GALNTL6: variants seen among roughly 807,000 people sequenced by gnomAD.
GALNTL6 encodes the protein polypeptide N-acetylgalactosaminyltransferase-like 6.
Under a neutral mutation model 73.7 loss-of-function variants are expected in GALNTL6, and 46 were observed. That is an observed-to-expected ratio of 0.62 (90% confidence interval 0.49 to 0.80). The LOEUF is 0.80. Ranked by LOEUF, GALNTL6 falls within the 30% of genes least tolerant of loss-of-function variation. The probability of loss-of-function intolerance (pLI) is 0.00; values close to 1 mark genes in which losing one functional copy is unlikely to be tolerated. For missense variants in GALNTL6, 604 were observed against 755.0 expected (o/e 0.80, Z 2.34); for synonymous variants, 259 against 263.7 (o/e 0.98, Z 0.17).
chr4:172,931,385 T>C, intron 9 of GALNTL6, 117 bp downstream of exon 9: 1 of 697,096 alleles, frequency 1.4e-6, no homozygotes, highest in Non-Finnish European at 2.6e-6. Flanking sequence ...AGAGCTCCTG[T>C]GCTTCTCAGA....
intron 2 of GALNTL6, among the ~76,000 whole-genome samples, chr4:172,165,940 A>T (rs932197343): frequency 6.6e-6 from 1 of 152,212 alleles, no homozygotes; most frequent in Non-Finnish European, 1.5e-5. Context: ...GAGAAAAAAA[A>T]TAGCATGTAT....
intron 11 of GALNTL6, among the ~76,000 whole-genome samples, chr4:173,012,846 C>T (rs1012129053): frequency 8.5e-5 from 13 of 152,286 alleles, no homozygotes; most frequent in Admixed American, 3.3e-4. Flanking sequence ...CACTCAAATG[C>T]GCCCTGCATG....
At chr4:172,551,489 CT>C (rs1350157421) in intron 5 of GALNTL6, among the ~76,000 whole-genome samples, 2 of 152,012 alleles carry the variant, frequency 1.3e-5, no homozygotes, top group African/African-American at 4.8e-5. Flanking sequence ...TAAAATTCAT[CT>C]TTCTGTCCAT....
chr4:172,063,593 A>C (rs1560906795), intron 2 of GALNTL6, among the ~76,000 whole-genome samples: 2 of 152,122 alleles, frequency 1.3e-5, no homozygotes. Context: ...TTTTTATTAA[A>C]GACAATTGTT....
rs146498735 is a variant in GALNTL6 at position 171,829,428 on chromosome 4, G to A, written c.138+14710G>A. 1.6e-3 allele frequency among the ~76,000 whole-genome samples: 243 copies of A among 152,148 alleles called. 1 individual carries two copies. Among genetic ancestry groups the A allele is most frequent in the African/African-American group, 5.5e-3 (227 of 41,520 alleles). On this transcript the variant is annotated intron_variant, in intron 2 of 12. Coordinates refer to ENST00000506823, the MANE Select transcript of GALNTL6 (RefSeq NM_001034845.3). ...CTTCAGATAAAAGCTTGTTTTCTTT[G>A]ATACAGCTTACCCCGAGTCTTCTTG...
At chr4:172,181,717 CTTTT>C (rs751155404) in intron 2 of GALNTL6, among the ~76,000 whole-genome samples, 5 of 135,138 alleles carry the variant, frequency 3.7e-5, no homozygotes, top group Admixed American at 7.5e-5. Context: ...CCCAAATCTT[CTTTT>C]TTTTTTTTTT....
At chr4:172,599,400 C>T (rs6831785) in intron 5 of GALNTL6, among the ~76,000 whole-genome samples, 83,325 of 151,780 alleles carry the variant, frequency 0.55, 23,241 homozygotes, top group East Asian at 0.77. Context: ...AAGAAAAAAA[C>T]GACTTGATTG....
At chr4:172,256,305 C>G (rs1288994637) in intron 3 of GALNTL6, among the ~76,000 whole-genome samples, 3 of 151,452 alleles carry the variant, frequency 2.0e-5, no homozygotes, top group Non-Finnish European at 4.4e-5. Context: ...ACACTCCAGA[C>G]TCCGTCATTG....
At position 172,871,372 on chromosome 4, in the gene GALNTL6, C is replaced by T. The variant is rs562318666; in HGVS notation, c.924-11418C>T. ...ATGTGCCCCAACAGAAACAGGGTTA[C>T]GTGCCCTCCTGTGTCTCAGTCTTCC... On this transcript the variant is annotated intron_variant, in intron 7 of 12. Coordinates refer to ENST00000506823, the MANE Select transcript of GALNTL6 (RefSeq NM_001034845.3). Among the ~76,000 whole-genome samples the T allele has an allele frequency of 3.3e-5, 5 of 152,222 alleles. 1 individual carries two copies. The highest frequency in any genetic ancestry group is 4.1e-4 in the South Asian group (2 of 4,826).
At chr4:172,850,853 A>G (rs1039818562) in intron 7 of GALNTL6, among the ~76,000 whole-genome samples, 14 of 152,182 alleles carry the variant, frequency 9.2e-5, no homozygotes, top group Admixed American at 6.5e-5. Flanking sequence ...TACAAAGAAT[A>G]CAGCTGAACA....
In GALNTL6 at chr4:172,961,821, T is replaced by A. The variant is rs547026007; in HGVS notation, c.1371+9563T>A. On this transcript the variant is annotated intron_variant, in intron 10 of 12. Coordinates refer to ENST00000506823, the MANE Select transcript of GALNTL6 (RefSeq NM_001034845.3). Reference sequence around the variant, plus strand: ...GGACCAGAGGTTGTAGGTGGATCTTTCTCATGGAACAAAGAGCAGGAAGAC... The same window carrying A: ...GGACCAGAGGTTGTAGGTGGATCTTACTCATGGAACAAAGAGCAGGAAGAC... Among the ~76,000 whole-genome samples the A allele has an allele frequency of 4.6e-5, 7 of 152,246 alleles. No individual in the cohort carries two copies. In the South Asian group the frequency reaches 1.5e-3, roughly 32 times the overall value.
intron 2 of GALNTL6, among the ~76,000 whole-genome samples, chr4:171,930,994 T>G (rs528512441): frequency 1.3e-5 from 2 of 152,334 alleles, no homozygotes; most frequent in East Asian, 3.9e-4. Flanking sequence ...CTTAAGTCTT[T>G]AGTGGGAATC....
chr4:172,340,208 G>A (rs1216179863), intron 4 of GALNTL6, among the ~76,000 whole-genome samples: 1 of 152,016 alleles, frequency 6.6e-6, no homozygotes, highest in African/African-American at 2.4e-5. Flanking sequence ...TTAAAAATGT[G>A]TCTATTTCGT....
intron 5 of GALNTL6, among the ~76,000 whole-genome samples, chr4:172,591,107 A>G (rs894452466): frequency 2.6e-5 from 4 of 152,246 alleles, no homozygotes; most frequent in African/African-American, 9.6e-5. Flanking sequence ...ACCAAGGTGT[A>G]GGTAAAATTT....
At chr4:172,814,639 C>T (rs999274554) in intron 7 of GALNTL6, among the ~76,000 whole-genome samples, 5 of 151,974 alleles carry the variant, frequency 3.3e-5, no homozygotes, top group African/African-American at 1.2e-4. Flanking sequence ...TTAAAAATAT[C>T]GTCTTTTCAT....
rs116574903 is a variant in GALNTL6 at position 172,833,442 on chromosome 4, C to T, written c.923+19719C>T. On this transcript the variant is annotated intron_variant, in intron 7 of 12. Coordinates refer to ENST00000506823, the MANE Select transcript of GALNTL6 (RefSeq NM_001034845.3). ...CATTCCAACAGTGCTCTAGACAGGG[C>T]GAAATAAGGCAACTGGAATAGGTGA... Among the ~76,000 whole-genome samples, 450 of 152,144 alleles carry T rather than the reference C, an allele frequency of 3.0e-3. 1 individual carries two copies. The highest frequency in any genetic ancestry group is 0.01 in the African/African-American group (434 of 41,500).
At chr4:171,892,891 C>T (rs1414294815) in intron 2 of GALNTL6, among the ~76,000 whole-genome samples, 2 of 152,154 alleles carry the variant, frequency 1.3e-5, no homozygotes, top group Non-Finnish European at 2.9e-5. Context: ...AGTTTTCTAT[C>T]AAGCACTTTT....
chr4:172,014,969 A>T (rs957880441), intron 2 of GALNTL6, among the ~76,000 whole-genome samples: 7 of 152,128 alleles, frequency 4.6e-5, no homozygotes, highest in African/African-American at 1.7e-4. Flanking sequence ...ACTGTGACCT[A>T]TCATATTATC....
At chr4:171,893,448 G>A (rs952355915) in intron 2 of GALNTL6, among the ~76,000 whole-genome samples, 1 of 152,052 alleles carries the variant, frequency 6.6e-6, no homozygotes, top group Non-Finnish European at 1.5e-5. Context: ...GTACCAGTGT[G>A]GTACCTTCAT....
Sources: allele counts gnomAD v4.1 joint callset (sites outside exome capture counted in the v4.1 genomes callset), GRCh38; gene constraint gnomAD v4.1.1; transcripts MANE v1.5; gene names NCBI Gene and HGNC (gene_info 2026-07-23, HGNC 2026-07-21).